CRYGS: variants seen among roughly 807,000 people sequenced by gnomAD.
CRYGS encodes crystallin gamma S.
Under a neutral mutation model 21.3 loss-of-function variants are expected in CRYGS, and 13 were observed. That is an observed-to-expected ratio of 0.61 (90% CI 0.40 to 0.97). The LOEUF is 0.97. Among genes scored for constraint, CRYGS ranks in the 50% least tolerant of loss-of-function variants. CRYGS has a pLI of 0.00. For missense variants in CRYGS, 205 were observed against 229.7 expected (o/e 0.89, Z 0.69); for synonymous variants, 67 against 75.0 (o/e 0.89, Z 0.55).
At chr3:186,540,733 A>G (rs1714045211) in intron 1 of CRYGS, 1 of 978,630 alleles carries the variant, frequency 1.0e-6, no homozygotes, top group African/African-American at 1.8e-5. Context: ...GGCGAAAACT[A>G]TGTGAGTCAT....
chr3:186,539,443 A>T lies in CRYGS; in HGVS notation c.176T>A (p.Met59Lys). Residue 59 changes from methionine (M) to lysine (K), a missense_variant, in exon 2 of 3, where the codon ATG becomes AAG. Met to Lys is a moderately conservative substitution (Grantham distance 95, BLOSUM62 -1). Transcript: ENST00000307944. ...VYERPNFAGY[M>K]YILPQGEYPE... The stretch of plus-strand genomic sequence containing the variant: ...GTACTCTCCCTGTGGTAAGATGTAC[A>T]TGTACCCAGCAAAGTTGGGCCTTTC... 6.2e-7 allele frequency: 1 copy of T among 1,612,690 alleles called. No homozygotes were observed. The highest frequency in any genetic ancestry group is 8.5e-7 in the Non-Finnish European group (1 of 1,180,014).
chr3:186,540,750 T>C (rs1484159600), intron 1 of CRYGS: 9 of 975,526 alleles, frequency 9.2e-6, no homozygotes, highest in Non-Finnish European at 6.1e-6. Context: ...TCATTTCAGA[T>C]GAAAGGAGCA....
chr3:186,539,639 T>C, intron 1 of CRYGS, 42 bp from the exon 2 acceptor site: 1 of 1,612,854 alleles, frequency 6.2e-7, no homozygotes, highest in Non-Finnish European at 8.5e-7. Flanking sequence ...AGGAGCTGGG[T>C]GGCTTAATTC....
At chr3:186,544,278 T>C (rs1385227861) in intron 1 of CRYGS, 28 bp downstream of exon 1, 2 of 1,562,864 alleles carry the variant, frequency 1.3e-6, no homozygotes, top group Non-Finnish European at 1.8e-6. Context: ...GAAAAGCGGG[T>C]AGGCTAAAAA....
chr3:186,540,772 T>C (rs1714046392), intron 1 of CRYGS: 1 of 951,502 alleles, frequency 1.1e-6, no homozygotes, highest in African/African-American at 1.8e-5. Context: ...AGCCGGATAC[T>C]GTCTTGAGAG....
chr3:186,540,638 G>C lies in CRYGS; in HGVS notation c.22-1041C>G, dbSNP rs1401934711. On this transcript the variant is annotated intron_variant, in intron 1 of 2. Coordinates refer to ENST00000307944, the MANE Select transcript of CRYGS (RefSeq NM_017541.4). ...TCAGATCAATGCTAGGTTATAAACT[G>C]AAACCACAGGTGTCATGCTTCGAAC... is the stretch of plus-strand genomic sequence containing the variant. The C allele has an allele frequency of 2.6e-5, 6 of 229,596 alleles. No individual in the cohort carries two copies. In the Admixed American group the frequency reaches 3.3e-4, roughly 13 times the overall value. 14.2% of individuals were successfully genotyped at this position (229,596 alleles called of 1,614,324 possible).
chr3:186,542,092 TCA>T (rs1376590242), intron 1 of CRYGS, among the ~76,000 whole-genome samples: 1 of 152,258 alleles, frequency 6.6e-6, no homozygotes, highest in Non-Finnish European at 1.5e-5. Flanking sequence ...TCATAGTTTC[TCA>T]CATTTACTGC....
At chr3:186,540,651 T>A (rs1029883848) in intron 1 of CRYGS, 2 of 315,374 alleles carry the variant, frequency 6.3e-6, no homozygotes, top group Non-Finnish European at 9.2e-6. Flanking sequence ...ACCACAGGTG[T>A]CATGCTTCGA....
intron 1 of CRYGS, among the ~76,000 whole-genome samples, chr3:186,541,468 A>T (rs975351107): frequency 1.7e-4 from 26 of 152,156 alleles, no homozygotes; most frequent in Admixed American, 5.2e-4. Flanking sequence ...TTTACGGATG[A>T]AGAAAAAAAA....
Position 186,543,589 on chromosome 3 carries a change from C to A in CRYGS, c.21+717G>T, listed in dbSNP as rs374236131. On this transcript the variant is annotated intron_variant, in intron 1 of 2. Coordinates refer to ENST00000307944, the MANE Select transcript of CRYGS (RefSeq NM_017541.4). ...TATAAGTGAAAGATATACAAATATT[C>A]ATTCAACATTTCTTTGCCATTCTTT... Among the ~76,000 whole-genome samples, 12 of 152,268 alleles carry A rather than the reference C, an allele frequency of 7.9e-5. 1 individual carries two copies. The highest frequency in any genetic ancestry group is 2.9e-4 in the African/African-American group (12 of 41,562).
At chr3:186,539,322 GA>G (rs747261060) in intron 2 of CRYGS, 32 bp downstream of exon 2, 2 of 1,611,894 alleles carry the variant, frequency 1.2e-6, no homozygotes, top group South Asian at 2.2e-5. Context: ...GAGGGCGTGG[GA>G]AACAGAGGGA....
Position 186,538,569 on chromosome 3 carries a change from G to T in CRYGS, c.*127C>A. ...AGCACTGTATTGCTGGTCCCTAGAA[G>T]CATTTAAGGAGAGGCATTATAGTCA... On this transcript the variant is annotated 3_prime_UTR_variant, in exon 3 of 3. Transcript: ENST00000307944. The T allele has an allele frequency of 8.2e-7, 1 of 1,225,222 alleles. No individual in the cohort carries two copies. 75.9% of individuals were successfully genotyped at this position (1,225,222 alleles called of 1,614,324 possible). A position where few individuals can be genotyped will look rare whatever the true frequency, so the allele number is the denominator to read the frequency against.
chr3:186,540,731 CTA>C, intron 1 of CRYGS: 2 of 979,064 alleles, frequency 2.0e-6, no homozygotes, highest in Non-Finnish European at 2.4e-6. Context: ...CGGGCGAAAA[CTA>C]TGTGAGTCAT....
At chr3:186,542,644 G>T (rs1714096329) in intron 1 of CRYGS, among the ~76,000 whole-genome samples, 1 of 152,128 alleles carries the variant, frequency 6.6e-6, no homozygotes, top group Non-Finnish European at 1.5e-5. Flanking sequence ...GGGAAAGGAA[G>T]AAGCAATGAG....
At chr3:186,540,139 C>T (rs56172833) in intron 1 of CRYGS, 3,496 of 155,982 alleles carry the variant, frequency 0.022, 125 homozygotes, top group African/African-American at 0.079. Flanking sequence ...AGCTTTCATA[C>T]ATGAAAATGT....
rs1389161365 is a variant in CRYGS at position 186,538,731 on chromosome 3, G to A, written c.502C>T (p.Pro168Ser). The A allele has an allele frequency of 3.1e-6, 5 of 1,614,134 alleles. No homozygotes were observed. The Admixed American group carries it at 5.0e-5, about 16-fold the overall frequency. ...RKPIDWGAAS[P>S]AVQSFRRIVE ...ATGCGGCGGAAAGACTGGACAGCTGGGGAGGCTGCACCCCAATCGATGGGC... is the reference window on the plus strand; with the variant it reads ...ATGCGGCGGAAAGACTGGACAGCTGAGGAGGCTGCACCCCAATCGATGGGC... Residue 168 changes from proline to serine, a missense_variant, in exon 3 of 3, where the codon CCA becomes TCA. Transcript: ENST00000307944.
At position 186,539,575 on chromosome 3, in the gene CRYGS, T is replaced by C. The variant is rs769338745; in HGVS notation, c.44A>G (p.Asn15Ser). The stretch of plus-strand genomic sequence containing the variant: ...ACAGTCATAGCGACGGCCTTGAAAA[T>C]TTTTGTCTTCATAGAAAGTAATCTG... ...GTKITFYEDK[N>S]FQGRRYDCDC... The change falls in exon 2 of 3, where the codon AAT becomes AGT. Residue 15 changes from asparagine (N) to serine (S), a missense_variant. By Grantham distance (46) the Asn-to-Ser change is conservative (BLOSUM62 1). Transcript: ENST00000307944. The C allele has an allele frequency of 3.1e-6, 5 of 1,613,780 alleles. No homozygotes were observed. The Admixed American group carries it at 5.0e-5, about 16-fold the overall frequency.
intron 1 of CRYGS, among the ~76,000 whole-genome samples, chr3:186,541,786 T>A (rs1463771904): frequency 6.6e-6 from 1 of 152,218 alleles, no homozygotes; most frequent in Non-Finnish European, 1.5e-5. Flanking sequence ...AAACTATTGT[T>A]CACTTTATTT....
At position 186,539,251 on chromosome 3, in the gene CRYGS, C is replaced by T. The variant is rs116212798; in HGVS notation, c.264+104G>A. The T allele has an allele frequency of 1.1e-3, 1,600 of 1,502,386 alleles. 20 individuals are homozygous for T. In the African/African-American group the frequency reaches 0.02, roughly 19 times the overall value. The allele number at this position is 1,502,386 out of a possible 1,614,324, so 93.1% of individuals were successfully genotyped here. A position where few individuals can be genotyped will look rare whatever the true frequency, so the allele number is the denominator to read the frequency against. On this transcript the variant is annotated intron_variant, in intron 2 of 2. Transcript: ENST00000307944. ...AGCCTCAGCAGCCAACAAGCAGCTA[C>T]TCATTAAGAGGTAGAGAAGACTCAA... is the stretch of plus-strand genomic sequence containing the variant.
Sources: gnomAD v4.1 joint callset for allele counts (sites outside exome capture counted in the v4.1 genomes callset) on GRCh38, gnomAD v4.1.1 for gene constraint, MANE v1.5 for transcripts, NCBI Gene and HGNC (gene_info 2026-07-23, HGNC 2026-07-21) for gene names.